The following MUC5AC variants were observed in gnomAD, a reference collection of about 807,000 sequenced individuals.
MUC5AC encodes the protein mucin 5AC, oligomeric mucus/gel-forming.
Under a neutral mutation model 169.7 loss-of-function variants are expected in MUC5AC, and 158 were observed. The observed-to-expected ratio is 0.93, with a 90% CI of 0.82 to 1.06. The LOEUF is 1.06. MUC5AC is among the 50% of genes least tolerant of loss of function. MUC5AC has a pLI of 0.00. For missense variants in MUC5AC, 4,359 were observed against 3,089.9 expected (o/e 1.41, Z -9.74); for synonymous variants, 1,975 against 1,237.0 (o/e 1.60, Z -12.52).
In MUC5AC at chr11:1,195,129, A is replaced by AC. The variant is rs753025058; in HGVS notation, c.15310dup (p.Arg5104ProfsTer53). 2 of 762,380 alleles carry AC rather than the reference A, an allele frequency of 2.6e-6. No homozygotes were observed. The highest frequency in any genetic ancestry group is 2.7e-5 in the South Asian group (2 of 74,504). The allele number at this position is 762,380 out of a possible 1,614,324, so 47.2% of individuals were successfully genotyped here. A position where few individuals can be genotyped will look rare whatever the true frequency, so the allele number is the denominator to read the frequency against. Reference sequence around the variant, plus strand: ...AGCATACCCGACCAGCCAGCCTGCCACCGGCCTCACCCGACGCCCACCACG... The same window carrying AC: ...AGCATACCCGACCAGCCAGCCTGCCACCCGGCCTCACCCGACGCCCACCACG... On this transcript the variant is annotated frameshift_variant, in exon 36 of 49. Transcript: ENST00000621226. LOFTEE classifies it high-confidence loss of function.
intron 24 of MUC5AC, 138 bp from the exon 25 acceptor site, chr11:1,178,306 C>T (rs1196858595): frequency 5.0e-5 from 20 of 398,946 alleles, no homozygotes; most frequent in African/African-American, 1.8e-4. Context: ...CACCTGTGGT[C>T]GCTGTTGGCC....
chr11:1,179,238 G>C lies in MUC5AC; in HGVS notation c.3474G>C (p.Pro1158=). ...EVGLCVSWRT[P]SICPLFCDYY... ...GCCTGTGTGTGTCCTGGCGGACCCC[G>C]AGCATCTGCCGTGAGTGCGAGTGGG... The change falls in exon 26 of 49, where the codon CCG becomes CCC. Residue 1158 remains proline, a synonymous_variant. Coordinates refer to ENST00000621226, the MANE Select transcript of MUC5AC (RefSeq NM_001304359.2). The C allele has an allele frequency of 1.7e-6, 1 of 596,480 alleles. No individual in the cohort carries two copies. The highest frequency in any genetic ancestry group is 3.0e-6 in the Non-Finnish European group (1 of 329,378). 36.9% of individuals were successfully genotyped at this position (596,480 alleles called of 1,614,324 possible). A position where few individuals can be genotyped will look rare whatever the true frequency, so the allele number is the denominator to read the frequency against.
At chr11:1,176,692 G>C (rs879206609) in intron 21 of MUC5AC, 27 bp downstream of exon 21, 5,198 of 398,598 alleles carry the variant, frequency 0.013, 257 homozygotes, top group African/African-American at 0.098. Context: ...AAGCCCATGG[G>C]GGGTGTCAGG....
intron 15 of MUC5AC, among the ~76,000 whole-genome samples, chr11:1,171,018 A>G (rs1240146593): frequency 8.2e-6 from 1 of 122,682 alleles, no homozygotes; most frequent in Non-Finnish European, 1.7e-5. Context: ...CCATTCACCC[A>G]TTCACCCACT....
Position 1,194,537 on chromosome 11 carries a change from C to T in MUC5AC, c.15057C>T (p.Ile5019=), listed in dbSNP as rs763592188. 7.9e-6 allele frequency: 6 copies of T among 763,462 alleles called. No homozygotes were observed. The highest frequency in any genetic ancestry group is 2.4e-5 in the East Asian group (1 of 41,192). The allele number at this position is 763,462 out of a possible 1,614,324, so 47.3% of individuals were successfully genotyped here. ...GCCCCGGCTTCCGGAAAAACGGCAT[C>T]GTGGTCTCGCGCATCGGCGTCAAGA... ...VVSPGFRKNG[I]VVSRIGVKMY... The change falls in exon 35 of 49, where the codon ATC becomes ATT. Residue 5019 remains isoleucine (I), a synonymous_variant. Transcript: ENST00000621226.
At chr11:1,160,970 G>A (rs537710130) in intron 2 of MUC5AC, among the ~76,000 whole-genome samples, 2 of 152,314 alleles carry the variant, frequency 1.3e-5, no homozygotes, top group Admixed American at 6.5e-5. Context: ...GTCACCCTCC[G>A]GGGATCTGGA....
intron 28 of MUC5AC, among the ~76,000 whole-genome samples, chr11:1,180,865 T>C (rs1011543898): frequency 2.0e-4 from 30 of 151,980 alleles, no homozygotes; most frequent in African/African-American, 7.3e-4. Context: ...AAATCACCCC[T>C]GGAAAGTAAT....
rs774269454 is a variant in MUC5AC, at chr11:1,192,792, T to C, written c.14390T>C (p.Ile4797Thr). The stretch of plus-strand genomic sequence containing the variant: ...TCCCTTCCTCTTACAGGATCCACCA[T>C]ATACCGCCACAGAGACCTCGCTGGC... ...ADRLYPAGSTIYRHRDLAGHC... is the reference protein window; with the variant it reads ...ADRLYPAGSTTYRHRDLAGHC... The change falls in exon 32 of 49, where the codon ATA (isoleucine) becomes ACA (threonine). Residue 4797 changes from isoleucine (I) to threonine (T), a missense_variant. Ile to Thr is a moderately conservative substitution (Grantham distance 89). Transcript: ENST00000621226. 1.3e-6 allele frequency: 1 copy of C among 760,146 alleles called. No individual in the cohort carries two copies. The highest frequency in any genetic ancestry group is 1.3e-5 in the South Asian group (1 of 74,504). The allele number at this position is 760,146 out of a possible 1,614,324, so 47.1% of individuals were successfully genotyped here. A position where few individuals can be genotyped will look rare whatever the true frequency, so the allele number is the denominator to read the frequency against.
intron 40 of MUC5AC, 32 bp from the exon 41 acceptor site, chr11:1,197,436 C>A: frequency 2.9e-6 from 2 of 699,798 alleles, no homozygotes; most frequent in Non-Finnish European, 5.2e-6. Flanking sequence ...GGAGCCGCTG[C>A]GGACGCTGGA....
chr11:1,198,394 C>T, intron 43 of MUC5AC, 89 bp downstream of exon 43: 1 of 694,022 alleles, frequency 1.4e-6, no homozygotes, highest in South Asian at 1.5e-5. Context: ...GAGCAACTGC[C>T]AACTCCGGCC....
intron 16 of MUC5AC, among the ~76,000 whole-genome samples, chr11:1,172,811 C>T (rs1290482368): frequency 6.6e-6 from 1 of 151,672 alleles, no homozygotes; most frequent in Non-Finnish European, 1.5e-5. Flanking sequence ...CCCATTCACC[C>T]ATTTACCCAC....
Position 1,185,044 on chromosome 11 carries a change from C to G in MUC5AC, c.6899C>G (p.Thr2300Arg), listed in dbSNP as rs1590145197. ...TRTTSASPAS[T>R]TSGPGNTPSP... ...ACAACCTCTGCCTCTCCAGCCAGCA[C>G]AACCTCTGGTCCTGGAAATACTCCC... is the stretch of plus-strand genomic sequence containing the variant. The change falls in exon 31 of 49, where the codon ACA becomes AGA. Residue 2300 changes from threonine to arginine, a missense_variant. Transcript: ENST00000621226. 1.4e-6 allele frequency: 1 copy of G among 703,122 alleles called. No homozygotes were observed. Among genetic ancestry groups the G allele is most frequent in the East Asian group, 2.7e-5 (1 of 37,528 alleles). The allele number at this position is 703,122 out of a possible 1,614,324, so 43.6% of individuals were successfully genotyped here.
Position 1,194,095 on chromosome 11 carries a change from C to T in MUC5AC, c.14756-15C>T. ...CACCCGAGCCACCCGTAAGGCTGCC[C>T]CTGGGGCCTGGCAGGTGTGTGCAGC... On this transcript the variant is annotated splice_polypyrimidine_tract_variant and intron_variant, in intron 33 of 48. Coordinates refer to ENST00000621226, the MANE Select transcript of MUC5AC (RefSeq NM_001304359.2). 1.3e-6 allele frequency: 1 copy of T among 763,272 alleles called. No individual in the cohort carries two copies. 47.3% of individuals were successfully genotyped at this position (763,272 alleles called of 1,614,324 possible). A position where few individuals can be genotyped will look rare whatever the true frequency, so the allele number is the denominator to read the frequency against.
intron 11 of MUC5AC, 150 bp from the exon 12 acceptor site, chr11:1,167,727 G>T (rs1860377041): frequency 3.0e-6 from 2 of 669,814 alleles, no homozygotes; most frequent in African/African-American, 1.8e-5. Context: ...CACACCTGGG[G>T]GCCTCCTAGC....
In MUC5AC at chr11:1,189,114, A is replaced by G. The variant is rs1387850468; in HGVS notation, c.10969A>G (p.Thr3657Ala). 4 of 602,450 alleles carry G rather than the reference A, an allele frequency of 6.6e-6. No homozygotes were observed. Among genetic ancestry groups the G allele is most frequent in the Non-Finnish European group, 1.2e-5 (4 of 337,660 alleles). The allele number at this position is 602,450 out of a possible 1,614,324, so 37.3% of individuals were successfully genotyped here. The change falls in exon 31 of 49, where the codon ACC becomes GCC. Residue 3657 changes from threonine (T) to alanine (A), a missense_variant. Physicochemically the swap from Thr to Ala is moderately conservative, Grantham distance 58 (BLOSUM62 0). Transcript: ENST00000621226. ...CTCCTCTTGGCAGAAATCCAGGACA[A>G]CCACTTTGGTGACAAGCAGCATAAC... ...STSSWQKSRT[T>A]TLVTSSITST...
At position 1,163,877 on chromosome 11, in the gene MUC5AC, C is replaced by T. The variant is rs777607137; in HGVS notation, c.680-5C>T. Reference sequence around the variant, plus strand: ...AGGCAGAGCCCGCCTCTGTGCTTGCCGCAGACACCAAGCTGACACCCATGG... The same window carrying T: ...AGGCAGAGCCCGCCTCTGTGCTTGCTGCAGACACCAAGCTGACACCCATGG... On this transcript the variant is annotated splice_polypyrimidine_tract_variant and splice_region_variant and intron_variant, in intron 6 of 48. Coordinates refer to ENST00000621226, the MANE Select transcript of MUC5AC (RefSeq NM_001304359.2). 1.4e-5 allele frequency: 22 copies of T among 1,599,130 alleles called. No individual in the cohort carries two copies. The highest frequency in any genetic ancestry group is 2.7e-5 in the African/African-American group (2 of 74,498).
chr11:1,185,539 C>A lies in MUC5AC; in HGVS notation c.7394C>A (p.Thr2465Lys). Reference protein sequence around the residue: ...VPTTSTTSAPTTRTTSAPKSS... With the variant: ...VPTTSTTSAPKTRTTSAPKSS... Reference sequence around the variant, plus strand: ...ACGACCAGCACAACCTCTGCCCCTACAACAAGAACAACTTCTGCTCCTAAA... The same window carrying A: ...ACGACCAGCACAACCTCTGCCCCTAAAACAAGAACAACTTCTGCTCCTAAA... Residue 2465 changes from threonine to lysine, a missense_variant, in exon 31 of 49, where the codon ACA becomes AAA. Transcript: ENST00000621226. 1 of 720,922 alleles carries A rather than the reference C, an allele frequency of 1.4e-6. No homozygotes were observed. The highest frequency in any genetic ancestry group is 2.5e-6 in the Non-Finnish European group (1 of 395,314). The allele number at this position is 720,922 out of a possible 1,614,324, so 44.7% of individuals were successfully genotyped here.
chr11:1,170,065 CT>C (rs1860456933), intron 15 of MUC5AC, among the ~76,000 whole-genome samples: 1 of 138,006 alleles, frequency 7.2e-6, no homozygotes, highest in Non-Finnish European at 1.6e-5. Context: ...ACTCACTCAC[CT>C]CACTCACTCA....
rs1456054946 is a variant in MUC5AC at position 1,200,432 on chromosome 11, C to G, written c.16701-6C>G. On this transcript the variant is annotated splice_polypyrimidine_tract_variant and splice_region_variant and intron_variant, in intron 48 of 48. Coordinates refer to ENST00000621226, the MANE Select transcript of MUC5AC (RefSeq NM_001304359.2). ...GCAGCTGGTGCTGAGCAGCCCCTGC[C>G]CACAGGTACTCGCTCGAGGGCAACA... 1 of 690,860 alleles carries G rather than the reference C, an allele frequency of 1.4e-6. No individual in the cohort carries two copies. 42.8% of individuals were successfully genotyped at this position (690,860 alleles called of 1,614,324 possible).
Sources: gnomAD v4.1 joint callset for allele counts (sites outside exome capture counted in the v4.1 genomes callset) on GRCh38, gnomAD v4.1.1 for gene constraint, MANE v1.5 for transcripts, NCBI Gene and HGNC (gene_info 2026-07-23, HGNC 2026-07-21) for gene names.